Variants in BACH1 observed in about 807,000 individuals in gnomAD.
BACH1 encodes BTB domain and CNC homolog 1.
In BACH1, 35 loss-of-function variants were observed where a neutral mutation model predicts 52.9. The ratio of observed to expected loss-of-function variants is 0.66; its 90% CI spans 0.51 to 0.88. The LOEUF (loss-of-function observed/expected upper bound fraction) is 0.88. Among genes scored for constraint, BACH1 ranks in the 40% least tolerant of loss-of-function variants. The probability of loss-of-function intolerance (pLI) is 0.00; values close to 1 mark genes in which losing one functional copy is unlikely to be tolerated. For synonymous variants in BACH1, 321 were observed against 319.6 expected, an observed-to-expected ratio of 1.00 and a Z score of -0.05; for missense variants, 808 against 872.6, an observed-to-expected ratio of 0.93 and a Z score of 0.93.
At chr21:29,307,479 C>T (rs1601338616) in intron 1 of BACH1, among the ~76,000 whole-genome samples, 1 of 151,992 alleles carries the variant, frequency 6.6e-6, no homozygotes, top group African/African-American at 2.4e-5. Flanking sequence ...CAGTAGGATC[C>T]CCACCCACTG....
chr21:29,300,296 ACT>A (rs1404352160), intron 1 of BACH1: 3 of 152,074 alleles, frequency 2.0e-5, no homozygotes, highest in Non-Finnish European at 2.9e-5. Flanking sequence ...AGGTAGGATG[ACT>A]CTCTAAAAAG....
At chr21:29,332,922 C>G (rs1481594486) in intron 4 of BACH1, among the ~76,000 whole-genome samples, 2 of 152,124 alleles carry the variant, frequency 1.3e-5, no homozygotes, top group Admixed American at 6.5e-5. Flanking sequence ...TAGATAGGCG[C>G]CAGTCTGACT....
downstream of BACH1, among the ~76,000 whole-genome samples, chr21:29,350,679 C>T (rs945247419): frequency 5.3e-5 from 8 of 152,186 alleles, no homozygotes; most frequent in Non-Finnish European, 8.8e-5. Context: ...AGAGGACAAC[C>T]AGTTATTTTC....
chr21:29,325,942 A>G lies in BACH1; in HGVS notation c.235-117A>G, dbSNP rs2088905347. The G allele has an allele frequency of 8.5e-6, 9 of 1,060,434 alleles. No homozygotes were observed. The East Asian group carries it at 1.4e-4, about 16-fold the overall frequency. 65.7% of individuals were successfully genotyped at this position (1,060,434 alleles called of 1,614,324 possible). A position where few individuals can be genotyped will look rare whatever the true frequency, so the allele number is the denominator to read the frequency against. On this transcript the variant is annotated intron_variant, in intron 2 of 4. Coordinates refer to ENST00000286800, the MANE Select transcript of BACH1 (RefSeq NM_001186.4). ...ATGTTTTCTTCAAATTAAAGTACAT[A>G]TTTTATAATTATCACAAATAAGTTA...
At chr21:29,305,433 G>A (rs2088645741) in intron 1 of BACH1, 1 of 151,938 alleles carries the variant, frequency 6.6e-6, no homozygotes. Context: ...AGTATATTTT[G>A]TCTCTGAGGG....
chr21:29,340,981 A>G (rs1465971005), intron 4 of BACH1, among the ~76,000 whole-genome samples: 1 of 152,028 alleles, frequency 6.6e-6, no homozygotes, highest in Admixed American at 6.5e-5. Context: ...AAAAAAAAAA[A>G]AAAAAAGAAC....
In BACH1 at chr21:29,345,222, G is replaced by A. The variant is rs1199947132; in HGVS notation, c.*2389G>A. 1.3e-5 allele frequency: 2 copies of A among 152,594 alleles called. No individual in the cohort carries two copies. The highest frequency in any genetic ancestry group is 4.8e-5 in the African/African-American group (2 of 41,456). 9.5% of individuals were successfully genotyped at this position (152,594 alleles called of 1,614,324 possible). ...GGGAAAGTTTTCTGTATATTGCATA[G>A]CATTACACATTTATGCCTATTTTAA... On this transcript the variant is annotated 3_prime_UTR_variant, in exon 5 of 5. Coordinates refer to ENST00000286800, the MANE Select transcript of BACH1 (RefSeq NM_001186.4).
chr21:29,313,515 C>G (rs1651726609), intron 1 of BACH1, among the ~76,000 whole-genome samples: 1 of 152,158 alleles, frequency 6.6e-6, no homozygotes, highest in Admixed American at 6.5e-5. Flanking sequence ...ACAATAATCC[C>G]AAATTCAGAA....
chr21:29,309,211 T>G (rs893958312), intron 1 of BACH1, among the ~76,000 whole-genome samples: 1 of 151,388 alleles, frequency 6.6e-6, no homozygotes, highest in Non-Finnish European at 1.5e-5. Flanking sequence ...TGAGCCAAGA[T>G]TGTGCCACTG....
chr21:29,350,965 C>T (rs1202993592), downstream of BACH1, among the ~76,000 whole-genome samples: 1 of 152,202 alleles, frequency 6.6e-6, no homozygotes, highest in Non-Finnish European at 1.5e-5. Context: ...GGTTTAAAAG[C>T]CAAGCCTGAC....
At chr21:29,337,796 G>A (rs2089062349) in intron 4 of BACH1, among the ~76,000 whole-genome samples, 1 of 152,124 alleles carries the variant, frequency 6.6e-6, no homozygotes, top group African/African-American at 2.4e-5. Context: ...CAACATGGTG[G>A]TGCAAACCTG....
downstream of BACH1, among the ~76,000 whole-genome samples, chr21:29,346,962 C>T (rs1255910285): frequency 6.6e-6 from 1 of 152,046 alleles, no homozygotes; most frequent in South Asian, 2.1e-4. Flanking sequence ...GGAGGAAGGC[C>T]CCCACTTGAG....
chr21:29,321,511 A>C lies in BACH1; in HGVS notation c.231A>C (p.Glu77Asp). The C allele has an allele frequency of 6.2e-7, 1 of 1,610,508 alleles. No individual in the cohort carries two copies. Residue 77 changes from glutamate to aspartate, a missense_variant, in exon 2 of 5, where the codon GAA becomes GAC. Physicochemically the swap from Glu to Asp is conservative, Grantham distance 45. Coordinates refer to ENST00000286800, the MANE Select transcript of BACH1 (RefSeq NM_001186.4). ...ADGELNITLP[E>D]EVTVKGFEPL... ...GAGAGCTGAACATTACTCTTCCAGA[A>C]GAGGTGAGAGATCCATGTTTTTGGC...
chr21:29,349,415 GAGGCCACCTGCCCTGCCA>G (rs2089189800), downstream of BACH1, among the ~76,000 whole-genome samples: 1 of 152,202 alleles, frequency 6.6e-6, no homozygotes, highest in Non-Finnish European at 1.5e-5. Context: ...GTGGCATCTT[GAGGCCACCTGCCCTGCCA>G]AGCACCTGTG....
downstream of BACH1, among the ~76,000 whole-genome samples, chr21:29,348,322 TATC>T (rs924361465): frequency 6.6e-6 from 1 of 152,110 alleles, no homozygotes; most frequent in African/African-American, 2.4e-5. Context: ...ACCACAAAAT[TATC>T]ATAGCCTTGG....
intron 1 of BACH1, among the ~76,000 whole-genome samples, chr21:29,307,393 T>G (rs558699114): frequency 6.6e-6 from 1 of 151,450 alleles, no homozygotes; most frequent in South Asian, 2.1e-4. Context: ...ACATGTCCAT[T>G]ACCTCACTTA....
At chr21:29,333,524 G>A (rs2089008889) in intron 4 of BACH1, among the ~76,000 whole-genome samples, 1 of 152,170 alleles carries the variant, frequency 6.6e-6, no homozygotes, top group Non-Finnish European at 1.5e-5. Context: ...CATAGTGAAT[G>A]ACTGGTTGGC....
At chr21:29,340,555 G>T (rs534663004) in intron 4 of BACH1, among the ~76,000 whole-genome samples, 2 of 152,304 alleles carry the variant, frequency 1.3e-5, no homozygotes, top group Admixed American at 1.3e-4. Flanking sequence ...CTGGGAGGAA[G>T]CTCAAGTACT....
intron 1 of BACH1, among the ~76,000 whole-genome samples, chr21:29,310,907 A>G (rs1393518317): frequency 6.6e-6 from 1 of 152,218 alleles, no homozygotes; most frequent in African/African-American, 2.4e-5. Flanking sequence ...ACAGGAGAGC[A>G]AAGAATTATA....
Sources: gnomAD v4.1 joint callset for allele counts (sites outside exome capture counted in the v4.1 genomes callset) on GRCh38, gnomAD v4.1.1 for gene constraint, MANE v1.5 for transcripts, NCBI Gene and HGNC (gene_info 2026-07-23, HGNC 2026-07-21) for gene names.